Variants in SEMA5A observed in about 807,000 individuals in gnomAD.
SEMA5A encodes semaphorin 5A.
Under a neutral mutation model 135.5 loss-of-function variants are expected in SEMA5A, and 55 were observed. The ratio of observed to expected loss-of-function variants is 0.41; its 90% CI spans 0.33 to 0.51. The LOEUF (loss-of-function observed/expected upper bound fraction) is 0.51. Ranked by LOEUF, SEMA5A falls within the 20% of genes least tolerant of loss-of-function variation. The probability of loss-of-function intolerance (pLI) is 0.37; values close to 1 mark genes in which losing one functional copy is unlikely to be tolerated. For synonymous variants in SEMA5A, 580 were observed against 546.5 expected (o/e 1.06, Z -0.85); for missense variants, 1,290 against 1,419.9 (o/e 0.91, Z 1.47).
intron 1 of SEMA5A, among the ~76,000 whole-genome samples, chr5:9,534,274 A>G (rs1012520513): frequency 3.3e-5 from 5 of 152,206 alleles, no homozygotes; most frequent in African/African-American, 9.6e-5. Context: ...CCCCCAGTCA[A>G]GATGCTTATT....
intron 6 of SEMA5A, among the ~76,000 whole-genome samples, chr5:9,237,374 T>C (rs958081133): frequency 1.3e-5 from 2 of 152,210 alleles, no homozygotes; most frequent in Admixed American, 1.3e-4. Context: ...ATGTAGATTT[T>C]CGTATGAAAA....
At chr5:9,098,368 A>G (rs1286677196) in intron 16 of SEMA5A, among the ~76,000 whole-genome samples, 1 of 152,232 alleles carries the variant, frequency 6.6e-6, no homozygotes, top group East Asian at 1.9e-4. Flanking sequence ...AAGGTGAGCT[A>G]CAGAAATTGA....
intron 10 of SEMA5A, 53 bp downstream of exon 10, chr5:9,197,115 C>T: frequency 6.2e-7 from 1 of 1,610,004 alleles, no homozygotes; most frequent in South Asian, 1.1e-5. Flanking sequence ...CACAAGGCTT[C>T]TGCATTCTTC....
intron 3 of SEMA5A, among the ~76,000 whole-genome samples, chr5:9,355,453 G>T (rs1392966501): frequency 2.0e-5 from 3 of 152,172 alleles, no homozygotes; most frequent in Non-Finnish European, 4.4e-5. Context: ...ATTGATTAGG[G>T]AAATAAGGAA....
intron 13 of SEMA5A, among the ~76,000 whole-genome samples, chr5:9,134,053 T>C (rs1479930098): frequency 6.6e-6 from 1 of 152,196 alleles, no homozygotes; most frequent in East Asian, 1.9e-4. Context: ...AGAAGGTGCA[T>C]GCTTGCTTCT....
chr5:9,430,164 A>G (rs541058564), intron 2 of SEMA5A, among the ~76,000 whole-genome samples: 5 of 152,322 alleles, frequency 3.3e-5, no homozygotes, highest in African/African-American at 1.2e-4. Flanking sequence ...AGAATAATCA[A>G]GTATTGTTCC....
intron 20 of SEMA5A, among the ~76,000 whole-genome samples, chr5:9,050,935 C>A (rs1368556084): frequency 6.6e-6 from 1 of 152,208 alleles, no homozygotes; most frequent in Middle Eastern, 3.2e-3. Context: ...GCCACTGATG[C>A]TCTTGGCATG....
chr5:9,512,796 G>C (rs1736280981), intron 1 of SEMA5A, among the ~76,000 whole-genome samples: 1 of 152,028 alleles, frequency 6.6e-6, no homozygotes, highest in South Asian at 2.1e-4. Flanking sequence ...TTCAACGAAA[G>C]CACCAATTTG....
intron 2 of SEMA5A, among the ~76,000 whole-genome samples, chr5:9,405,809 T>C (rs979096559): frequency 3.3e-5 from 5 of 152,198 alleles, no homozygotes; most frequent in East Asian, 1.9e-4. Context: ...CATCATTGAA[T>C]TGGCCATATA....
At chr5:9,231,719 T>G (rs557567350) in intron 6 of SEMA5A, among the ~76,000 whole-genome samples, 1 of 152,258 alleles carries the variant, frequency 6.6e-6, no homozygotes, top group African/African-American at 2.4e-5. Flanking sequence ...CTTTTAAAGG[T>G]TTCTCTTATA....
chr5:9,065,148 A>C (rs2150070695), intron 17 of SEMA5A, among the ~76,000 whole-genome samples: 2 of 152,330 alleles, frequency 1.3e-5, no homozygotes, highest in Middle Eastern at 6.8e-3. Flanking sequence ...TAATCACTGA[A>C]CTACAGTGAG....
chr5:9,154,027 CAG>C (rs1410573031), intron 12 of SEMA5A, among the ~76,000 whole-genome samples: 1 of 118,554 alleles, frequency 8.4e-6, no homozygotes, highest in Non-Finnish European at 1.6e-5. Flanking sequence ...GCCTGGGTGA[CAG>C]AGTGAGACTG....
chr5:9,473,291 A>T lies in SEMA5A; in HGVS notation c.-174-35439T>A, dbSNP rs1047184992. Among the ~76,000 whole-genome samples, 9 of 149,316 alleles carry T rather than the reference A, an allele frequency of 6.0e-5. No homozygotes were observed. In the South Asian group the frequency reaches 1.3e-3, roughly 21 times the overall value. On this transcript the variant is annotated intron_variant, in intron 1 of 22. Coordinates refer to ENST00000382496, the MANE Select transcript of SEMA5A (RefSeq NM_003966.3). ...AAGTAAATGATTTACAATAACAAAAACAAACTTAAAAACTCTACTTGTAAC... is the reference window on the plus strand; with the variant it reads ...AAGTAAATGATTTACAATAACAAAATCAAACTTAAAAACTCTACTTGTAAC...
intron 1 of SEMA5A, among the ~76,000 whole-genome samples, chr5:9,446,927 A>G (rs3798024): frequency 0.19 from 28,635 of 152,142 alleles, 3,134 homozygotes; most frequent in African/African-American, 0.3. Context: ...AGATTAAACC[A>G]CATCTGACAC....
intron 16 of SEMA5A, among the ~76,000 whole-genome samples, chr5:9,073,145 C>T (rs904970028): frequency 6.6e-6 from 1 of 152,084 alleles, no homozygotes; most frequent in Non-Finnish European, 1.5e-5. Flanking sequence ...AAGAAAACTA[C>T]ATGAATGTAG....
intron 5 of SEMA5A, among the ~76,000 whole-genome samples, chr5:9,293,930 G>A (rs1200559552): frequency 6.6e-6 from 1 of 152,194 alleles, no homozygotes; most frequent in African/African-American, 2.4e-5. Context: ...TGAGCAATTG[G>A]TTCCTTTCTT....
chr5:9,396,243 C>A (rs1453134149), intron 2 of SEMA5A, among the ~76,000 whole-genome samples: 1 of 117,522 alleles, frequency 8.5e-6, no homozygotes, highest in South Asian at 3.1e-4. Flanking sequence ...AATGCGCGTG[C>A]GTGCACACAC....
chr5:9,046,133 A>C lies in SEMA5A; in HGVS notation c.2894-1549T>G, dbSNP rs373206012. On this transcript the variant is annotated intron_variant, in intron 21 of 22. Transcript: ENST00000382496. ...CTGCTGCCCATGGGGTACTGGCCTC[A>C]TGTGCCACCTGCTCAGAGCACATCC... 4.6e-5 allele frequency among the ~76,000 whole-genome samples: 7 copies of C among 152,270 alleles called. No homozygotes were observed. In the East Asian group the frequency reaches 1.4e-3, roughly 29 times the overall value.
intron 1 of SEMA5A, among the ~76,000 whole-genome samples, chr5:9,473,003 T>C (rs1759532295): frequency 6.7e-6 from 1 of 150,364 alleles, no homozygotes; most frequent in South Asian, 2.1e-4. Context: ...ATTCATTTCA[T>C]CATTTCCTTA....
Sources: gnomAD v4.1 joint callset for allele counts (sites outside exome capture counted in the v4.1 genomes callset) on GRCh38, gnomAD v4.1.1 for gene constraint, MANE v1.5 for transcripts, NCBI Gene and HGNC (gene_info 2026-07-23, HGNC 2026-07-21) for gene names.